Variants in DIP2C observed in about 807,000 individuals in gnomAD.
DIP2C encodes DIP2 acetate--CoA ligase C (putative).
Under a neutral mutation model 192.4 loss-of-function variants are expected in DIP2C, and 33 were observed. That is an observed-to-expected ratio of 0.17 (90% CI 0.13 to 0.23). DIP2C has a LOEUF of 0.23. DIP2C is among the 10% of genes least tolerant of loss of function. DIP2C has a pLI of 1.00. For missense variants in DIP2C, 1,537 were observed against 2,110.1 expected, an observed-to-expected ratio of 0.73 and a Z score of 5.32; for synonymous variants, 979 against 864.1, an observed-to-expected ratio of 1.13 and a Z score of -2.33.
At chr10:621,645 C>G (rs1853858554) in intron 1 of DIP2C, among the ~76,000 whole-genome samples, 1 of 152,146 alleles carries the variant, frequency 6.6e-6, no homozygotes, top group Non-Finnish European at 1.5e-5. Context: ...GGGGAGACCC[C>G]TCGTGTGATC....
At chr10:371,088 C>T (rs1960896482) in intron 17 of DIP2C, among the ~76,000 whole-genome samples, 1 of 152,150 alleles carries the variant, frequency 6.6e-6, no homozygotes, top group South Asian at 2.1e-4. Context: ...TTCCTAGAGA[C>T]CCCAAACAAA....
At chr10:431,705 C>T (rs1173569560) in intron 4 of DIP2C, among the ~76,000 whole-genome samples, 1 of 152,200 alleles carries the variant, frequency 6.6e-6, no homozygotes, top group Admixed American at 6.5e-5. Context: ...AGTTTTATTT[C>T]TCTTCCCAAT....
intron 1 of DIP2C, among the ~76,000 whole-genome samples, chr10:559,494 G>A (rs1450658781): frequency 2.6e-5 from 4 of 152,228 alleles, no homozygotes; most frequent in East Asian, 1.9e-4. Flanking sequence ...TGGGTTAATC[G>A]GCACCTTCCC....
At chr10:582,184 G>A (rs771622753) in intron 1 of DIP2C, among the ~76,000 whole-genome samples, 3 of 152,150 alleles carry the variant, frequency 2.0e-5, no homozygotes, top group Admixed American at 6.5e-5. Context: ...CTAACAGACC[G>A]TGGACTGGCA....
chr10:558,207 T>C (rs1356984848), intron 1 of DIP2C, among the ~76,000 whole-genome samples: 3 of 152,140 alleles, frequency 2.0e-5, no homozygotes, highest in African/African-American at 4.8e-5. Flanking sequence ...GTACTGAGCA[T>C]GCGTCAAGCC....
chr10:523,997 G>A (rs2130828954), intron 1 of DIP2C, among the ~76,000 whole-genome samples: 1 of 152,322 alleles, frequency 6.6e-6, no homozygotes, highest in East Asian at 1.9e-4. Flanking sequence ...AGCAAAGGGT[G>A]GCTGGGGCTT....
chr10:580,521 A>G (rs1362535290), intron 1 of DIP2C, among the ~76,000 whole-genome samples: 5 of 152,232 alleles, frequency 3.3e-5, no homozygotes, highest in African/African-American at 1.2e-4. Flanking sequence ...ATAGTTATGC[A>G]CATATGTACA....
At chr10:509,467 G>C (rs1296869746) in intron 1 of DIP2C, among the ~76,000 whole-genome samples, 1 of 152,114 alleles carries the variant, frequency 6.6e-6, no homozygotes, top group East Asian at 1.9e-4. Context: ...CAGCAGGTCG[G>C]AACATCCCAC....
chr10:397,387 G>A (rs563841051), intron 10 of DIP2C, among the ~76,000 whole-genome samples: 9 of 152,228 alleles, frequency 5.9e-5, no homozygotes, highest in Non-Finnish European at 7.4e-5. Context: ...AAAATTAGCC[G>A]GGTGTGGTGG....
At chr10:446,462 T>A (rs967977560) in intron 3 of DIP2C, among the ~76,000 whole-genome samples, 3 of 152,238 alleles carry the variant, frequency 2.0e-5, no homozygotes, top group African/African-American at 7.2e-5. Flanking sequence ...GCTTGCAAAA[T>A]TCACACCATT....
At chr10:337,955 C>A (rs535370502) in intron 29 of DIP2C, among the ~76,000 whole-genome samples, 3 of 122,426 alleles carry the variant, frequency 2.5e-5, no homozygotes, top group Non-Finnish European at 5.1e-5. Context: ...CCTAGACAGT[C>A]GTGTGTGTGT....
chr10:418,889 TA>T (rs1383565131), intron 6 of DIP2C, among the ~76,000 whole-genome samples, 175 bp downstream of exon 6: 1 of 152,264 alleles, frequency 6.6e-6, no homozygotes, highest in African/African-American at 2.4e-5. Context: ...ACTTGGAGAA[TA>T]TTTGCATTTT....
intron 2 of DIP2C, among the ~76,000 whole-genome samples, chr10:475,256 G>A (rs1460617554): frequency 6.6e-6 from 1 of 152,206 alleles, no homozygotes; most frequent in African/African-American, 2.4e-5. Flanking sequence ...CGCCGTGTCT[G>A]CATCTTGGCT....
Position 424,368 on chromosome 10 carries a change from T to G in DIP2C, c.395-1335A>C, listed in dbSNP as rs986747794. ...CTATCACCTTGGGTTTTTTTTTTTTTTTTTTTTTTTTTTTTGAGACAGAGT... is the reference window on the plus strand; with the variant it reads ...CTATCACCTTGGGTTTTTTTTTTTTGTTTTTTTTTTTTTTTGAGACAGAGT... On this transcript the variant is annotated intron_variant, in intron 4 of 36. Transcript: ENST00000280886. 9.1e-5 allele frequency among the ~76,000 whole-genome samples: 13 copies of G among 142,174 alleles called. 1 individual carries two copies. Among genetic ancestry groups the G allele is most frequent in the African/African-American group, 3.4e-4 (13 of 38,120 alleles). The allele number at this position is 142,174 out of a possible 152,430, so 93.3% of individuals were successfully genotyped here.
chr10:333,586 G>C (rs957036500), intron 29 of DIP2C, among the ~76,000 whole-genome samples: 1 of 152,186 alleles, frequency 6.6e-6, no homozygotes, highest in South Asian at 2.1e-4. Flanking sequence ...GTTGACCGAG[G>C]TTCCAGGGAA....
intron 6 of DIP2C, 103 bp downstream of exon 6, chr10:418,962 C>G: frequency 1.3e-6 from 2 of 1,531,840 alleles, no homozygotes; most frequent in African/African-American, 1.4e-5. Context: ...TTTGTCAGAA[C>G]CGATTGTACC....
At chr10:452,271 T>TC (rs1968912550) in intron 3 of DIP2C, among the ~76,000 whole-genome samples, 1 of 152,110 alleles carries the variant, frequency 6.6e-6, no homozygotes. Context: ...CCCTGAAGAT[T>TC]CCGTCAGACT....
At chr10:378,812 AATGAAC>A (rs1056624316) in intron 17 of DIP2C, among the ~76,000 whole-genome samples, 3 of 42,728 alleles carry the variant, frequency 7.0e-5, no homozygotes, top group African/African-American at 1.1e-4. Context: ...TAAAGACACA[AATGAAC>A]AGACATGCAC....
chr10:562,870 G>A (rs1033968950), intron 1 of DIP2C, among the ~76,000 whole-genome samples: 5 of 152,214 alleles, frequency 3.3e-5, no homozygotes, highest in African/African-American at 1.2e-4. Context: ...TGGAAGAGCT[G>A]CCATGTGAGT....
Sources: gnomAD v4.1 joint callset for allele counts (sites outside exome capture counted in the v4.1 genomes callset) on GRCh38, gnomAD v4.1.1 for gene constraint, MANE v1.5 for transcripts, NCBI Gene and HGNC (gene_info 2026-07-23, HGNC 2026-07-21) for gene names.